PDE1C: variants seen among roughly 807,000 people sequenced by gnomAD.
The protein encoded by PDE1C is dual specificity calcium/calmodulin-dependent 3',5'-cyclic nucleotide phosphodiesterase 1C.
Under a neutral mutation model 93.1 loss-of-function variants are expected in PDE1C, and 62 were observed. That is an observed-to-expected ratio of 0.67 (90% CI 0.54 to 0.82). PDE1C has a LOEUF of 0.82. Ranked by LOEUF, PDE1C falls within the 40% of genes least tolerant of loss-of-function variation. The pLI is 0.00. For synonymous variants in PDE1C, 325 were observed against 310.1 expected (o/e 1.05, Z -0.50); for missense variants, 742 against 884.6 (o/e 0.84, Z 2.04).
chr7:31,683,318 C>T, the PDE1C span, among the ~76,000 whole-genome samples: 1 of 151,996 alleles, frequency 6.6e-6, no homozygotes, highest in Non-Finnish European at 1.5e-5. Flanking sequence ...AATTAAAATG[C>T]CAATTAAAAT....
At chr7:31,643,304 A>G in the PDE1C span, 4 of 1,613,918 alleles carry the variant, frequency 2.5e-6, no homozygotes, top group Admixed American at 3.3e-5. Flanking sequence ...TGTATCCCCA[A>G]GCACAGTGAA....
chr7:31,803,837 G>C (rs1202192032), intron 16 of PDE1C, among the ~76,000 whole-genome samples: 1 of 151,956 alleles, frequency 6.6e-6, no homozygotes, highest in Non-Finnish European at 1.5e-5. Context: ...TTGCTATTGT[G>C]AATAGTGCTG....
At chr7:32,389,204 T>TTGTA (rs1281167060) in intron 1 of PDE1C, among the ~76,000 whole-genome samples, 7 of 86,842 alleles carry the variant, frequency 8.1e-5, no homozygotes, top group Admixed American at 3.8e-4. Context: ...TTTTTGGTTT[T>TTGTA]TGTTTGTTTG....
At chr7:32,362,665 C>T (rs1397020421) in intron 1 of PDE1C, among the ~76,000 whole-genome samples, 1 of 152,158 alleles carries the variant, frequency 6.6e-6, no homozygotes, top group African/African-American at 2.4e-5. Context: ...TGCCTGGGCC[C>T]TACACTTCTT....
At position 32,137,046 on chromosome 7, in the gene PDE1C, C is replaced by T. The variant is rs571937518; in HGVS notation, c.308+32739G>A. Among the ~76,000 whole-genome samples, 314 of 152,266 alleles carry T rather than the reference C, an allele frequency of 2.1e-3. 1 individual carries two copies. The highest frequency in any genetic ancestry group is 3.4e-3 in the Non-Finnish European group (230 of 68,022). On this transcript the variant is annotated intron_variant, in intron 3 of 18. Transcript: ENST00000396193. ...TGATCACAGAATCATGTATTCACTC[C>T]ATCATTCATTCATCATTTATTTTAT...
At chr7:31,775,925 G>GT (rs1450083978) in intron 16 of PDE1C, among the ~76,000 whole-genome samples, 193 bp from the exon 17 acceptor site, 3 of 152,190 alleles carry the variant, frequency 2.0e-5, no homozygotes, top group African/African-American at 7.2e-5. Context: ...CTTTGTGTGT[G>GT]TGACAGTACG....
intron 16 of PDE1C, chr7:31,783,904 T>C (rs1055836709): frequency 6.6e-6 from 1 of 152,220 alleles, no homozygotes; most frequent in African/African-American, 2.4e-5. Flanking sequence ...AAGTACATTC[T>C]ATCACAACCA....
chr7:31,635,661 C>T, the PDE1C span, among the ~76,000 whole-genome samples: 44 of 152,038 alleles, frequency 2.9e-4, no homozygotes, highest in Non-Finnish European at 4.9e-4. Flanking sequence ...TGTATTAGGC[C>T]GTTCTCATGC....
At chr7:32,305,126 G>A (rs1012228676) in intron 1 of PDE1C, among the ~76,000 whole-genome samples, 2 of 152,198 alleles carry the variant, frequency 1.3e-5, no homozygotes, top group Admixed American at 6.5e-5. Context: ...GGCTTGCACA[G>A]CGCCTGCTCA....
chr7:31,847,841 G>T, intron 9 of PDE1C, 127 bp downstream of exon 9: 1 of 980,230 alleles, frequency 1.0e-6, no homozygotes, highest in Non-Finnish European at 1.6e-6. Context: ...GTGAGAGAAA[G>T]AAAGAGAGAG....
At chr7:32,206,112 C>T (rs562242831) in intron 2 of PDE1C, among the ~76,000 whole-genome samples, 10 of 152,212 alleles carry the variant, frequency 6.6e-5, no homozygotes, top group Admixed American at 5.9e-4. Flanking sequence ...ATTCATAATT[C>T]TGGACACAGA....
chr7:31,728,951 G>A, the PDE1C span, among the ~76,000 whole-genome samples: 2 of 152,340 alleles, frequency 1.3e-5, no homozygotes, highest in Admixed American at 1.3e-4. Context: ...AATCTTTCCA[G>A]TCTAGAGCCC....
At chr7:32,407,008 G>T (rs1311332307) in intron 1 of PDE1C, among the ~76,000 whole-genome samples, 1 of 152,186 alleles carries the variant, frequency 6.6e-6, no homozygotes, top group Non-Finnish European at 1.5e-5. Context: ...GGGCGCGGTG[G>T]CTCATGCCTG....
intron 3 of PDE1C, among the ~76,000 whole-genome samples, chr7:32,148,018 A>C (rs907519938): frequency 6.9e-6 from 1 of 145,674 alleles, no homozygotes; most frequent in Non-Finnish European, 1.5e-5. Flanking sequence ...CTAACCTTTA[A>C]AATAACTATA....
At chr7:32,207,845 C>G (rs892536396) in intron 2 of PDE1C, among the ~76,000 whole-genome samples, 1 of 152,098 alleles carries the variant, frequency 6.6e-6, no homozygotes, top group African/African-American at 2.4e-5. Flanking sequence ...ACCGCCCTCC[C>G]CCCAACCTTC....
chr7:32,183,890 C>A (rs1452712174), intron 2 of PDE1C, among the ~76,000 whole-genome samples: 1 of 151,874 alleles, frequency 6.6e-6, no homozygotes, highest in Non-Finnish European at 1.5e-5. Context: ...GAAAATTTTC[C>A]CAACCTACTC....
At position 32,374,303 on chromosome 7, in the gene PDE1C, GAA is replaced by G. The variant is rs1562696091; in HGVS notation, c.310+53517_310+53518del. ...AGAAAGAAAGAAAGAAAGAAAGAAA[GAA>G]AGAAGAAAAGAAAAGAAAACTATGT... On this transcript the variant is annotated intron_variant, in intron 1 of 1. Transcript: ENST00000672256. Among the ~76,000 whole-genome samples, 320 of 148,702 alleles carry G rather than the reference GAA, an allele frequency of 2.2e-3. 4 individuals carry two copies. Among genetic ancestry groups the G allele is most frequent in the African/African-American group, 7.7e-3 (303 of 39,278 alleles).
upstream of PDE1C, among the ~76,000 whole-genome samples, chr7:32,301,715 C>T (rs1026250841): frequency 1.3e-5 from 2 of 152,190 alleles, no homozygotes; most frequent in African/African-American, 2.4e-5. Flanking sequence ...AAAAGAAGCA[C>T]GGCTTTTGTT....
At chr7:32,012,357 G>A (rs1729167128) in intron 2 of PDE1C, among the ~76,000 whole-genome samples, 1 of 152,104 alleles carries the variant, frequency 6.6e-6, no homozygotes, top group Admixed American at 6.6e-5. Context: ...CCAATCATAT[G>A]TGAACTCACT....
Sources: gnomAD v4.1 joint callset for allele counts (sites outside exome capture counted in the v4.1 genomes callset) on GRCh38, gnomAD v4.1.1 for gene constraint, MANE v1.5 for transcripts, NCBI Gene and HGNC (gene_info 2026-07-23, HGNC 2026-07-21) for gene names.